The following ZNF462 variants were observed in gnomAD, a reference collection of about 807,000 sequenced individuals.
ZNF462 encodes the protein zinc finger PBX1-interacting protein.
A neutral mutation model predicts 201.9 loss-of-function variants in ZNF462; 10 were observed. The ratio of observed to expected loss-of-function variants is 0.05; its 90% confidence interval spans 0.03 to 0.08. ZNF462 has a LOEUF of 0.08. Among genes scored for constraint, ZNF462 ranks in the 10% least tolerant of loss-of-function variants. The pLI, the probability that ZNF462 is intolerant of heterozygous loss-of-function variation, is 1.00. For synonymous variants in ZNF462, 1,227 were observed against 1,193.3 expected (o/e 1.03, Z -0.58); for missense variants, 2,523 against 3,168.3 (o/e 0.80, Z 4.89).
rs1450940219 is a variant in ZNF462, at chr9:107,013,015, T to C, written c.*1985T>C. ...CAGACAAAGATTCATTTTGTGTCTATATTTGTTTTTAATTGGCCTCATTTC... is the reference window on the plus strand; with the variant it reads ...CAGACAAAGATTCATTTTGTGTCTACATTTGTTTTTAATTGGCCTCATTTC... On this transcript the variant is annotated 3_prime_UTR_variant, in exon 13 of 13. Transcript: ENST00000277225. 1 of 143,082 alleles carries C rather than the reference T, an allele frequency of 7.0e-6. No individual in the cohort carries two copies. Among genetic ancestry groups the C allele is most frequent in the African/African-American group, 3.0e-5 (1 of 32,904 alleles). 8.9% of individuals were successfully genotyped at this position (143,082 alleles called of 1,614,324 possible).
At chr9:106,991,621 A>G (rs1828275483) in intron 10 of ZNF462, among the ~76,000 whole-genome samples, 1 of 151,984 alleles carries the variant, frequency 6.6e-6, no homozygotes, top group Non-Finnish European at 1.5e-5. Flanking sequence ...GGATTCACCC[A>G]TCTTGATTTC....
At chr9:106,894,641 G>A (rs1453815449) in intron 1 of ZNF462, among the ~76,000 whole-genome samples, 1 of 152,144 alleles carries the variant, frequency 6.6e-6, no homozygotes, top group Non-Finnish European at 1.5e-5. Context: ...AATCCTTCAA[G>A]GTTTTCTAGG....
intron 1 of ZNF462, among the ~76,000 whole-genome samples, chr9:106,873,221 A>G (rs1187138846): frequency 6.6e-6 from 1 of 152,328 alleles, no homozygotes; most frequent in African/African-American, 2.4e-5. Context: ...GATATGAGAG[A>G]TATAACTTAT....
At chr9:106,874,711 C>T (rs868205341) in intron 1 of ZNF462, among the ~76,000 whole-genome samples, 1 of 152,180 alleles carries the variant, frequency 6.6e-6, no homozygotes, top group African/African-American at 2.4e-5. Context: ...TTTTGTCATT[C>T]ATTCCATCTT....
intron 1 of ZNF462, among the ~76,000 whole-genome samples, chr9:106,867,291 A>G (rs1827377482): frequency 6.6e-6 from 1 of 152,186 alleles, no homozygotes; most frequent in Non-Finnish European, 1.5e-5. Flanking sequence ...TAAATCAGAC[A>G]TTTTCATTTA....
intron 10 of ZNF462, among the ~76,000 whole-genome samples, chr9:107,001,376 A>C (rs767010957): frequency 1.3e-5 from 2 of 152,192 alleles, no homozygotes; most frequent in African/African-American, 4.8e-5. Context: ...GAAAAGGCTC[A>C]CATTCCCAGA....
At position 106,932,922 on chromosome 9, in the gene ZNF462, G is replaced by C. The variant is rs1830481961; in HGVS notation, c.6116+373G>C. 3.0e-6 allele frequency: 1 copy of C among 332,976 alleles called. No homozygotes were observed. The highest frequency in any genetic ancestry group is 5.5e-6 in the Non-Finnish European group (1 of 180,454). 20.6% of individuals were successfully genotyped at this position (332,976 alleles called of 1,614,324 possible). A position where few individuals can be genotyped will look rare whatever the true frequency, so the allele number is the denominator to read the frequency against. Reference sequence around the variant, plus strand: ...CCATTTAGAAAACTGAGTTGCTAAAGAGGTAAAATTAGGACTATTAACCCA... The same window carrying C: ...CCATTTAGAAAACTGAGTTGCTAAACAGGTAAAATTAGGACTATTAACCCA... On this transcript the variant is annotated intron_variant, in intron 5 of 12. Coordinates refer to ENST00000277225, the MANE Select transcript of ZNF462 (RefSeq NM_021224.6). The surrounding 1 kb of genome is among the most constrained non-coding windows in gnomAD (Gnocchi z 6.8).
rs1827465583 is a variant in ZNF462, at chr9:106,981,936, A to G, written c.6833-2250A>G. ...CAGGGCAAAGCCAAAGAATGAAAGT[A>G]GAAACAGTAGAGATGATAACATATA... is the stretch of plus-strand genomic sequence containing the variant. On this transcript the variant is annotated intron_variant, in intron 9 of 12. Coordinates refer to ENST00000277225, the MANE Select transcript of ZNF462 (RefSeq NM_021224.6). The surrounding 1 kb of genome is among the most constrained non-coding windows in gnomAD (Gnocchi z 4.0). Among the ~76,000 whole-genome samples, 1 of 152,238 alleles carries G rather than the reference A, an allele frequency of 6.6e-6. No individual in the cohort carries two copies. Among genetic ancestry groups the G allele is most frequent in the Non-Finnish European group, 1.5e-5 (1 of 68,040 alleles).
Position 106,926,171 on chromosome 9 carries a change from T to G in ZNF462, c.2259T>G (p.Thr753=). 6.2e-7 allele frequency: 1 copy of G among 1,614,188 alleles called. No homozygotes were observed. The highest frequency in any genetic ancestry group is 8.5e-7 in the Non-Finnish European group (1 of 1,180,038). ...EPTEPIIEVP[T]SFSAQQIWVR... is the part of the protein sequence containing the mutation. ...CAGAACCCATCATAGAGGTTCCCACTTCCTTTTCTGCCCAACAGATATGGG... is the reference window on the plus strand; with the variant it reads ...CAGAACCCATCATAGAGGTTCCCACGTCCTTTTCTGCCCAACAGATATGGG... Residue 753 remains threonine, a synonymous_variant, in exon 3 of 13, where the codon ACT becomes ACG. Transcript: ENST00000277225. The surrounding 1 kb of genome is among the most constrained non-coding windows in gnomAD (Gnocchi z 7.9).
In ZNF462 at chr9:106,880,800, C is replaced by T. The variant is rs1326841325; in HGVS notation, c.-31+17445C>T. On this transcript the variant is annotated intron_variant, in intron 1 of 12. Coordinates refer to ENST00000277225, the MANE Select transcript of ZNF462 (RefSeq NM_021224.6). The surrounding 1 kb of genome is among the most constrained non-coding windows in gnomAD (Gnocchi z 4.1). ...GAATGTCTAGTAGGCAGTGTGGGGACCTGGACTCCCAAGATGGATTGGGTC... is the reference window on the plus strand; with the variant it reads ...GAATGTCTAGTAGGCAGTGTGGGGATCTGGACTCCCAAGATGGATTGGGTC... Among the ~76,000 whole-genome samples the T allele has an allele frequency of 6.6e-6, 1 of 152,142 alleles. No homozygotes were observed. Among genetic ancestry groups the T allele is most frequent in the Non-Finnish European group, 1.5e-5 (1 of 68,032 alleles).
At chr9:107,000,751 T>C (rs1355003352) in intron 10 of ZNF462, among the ~76,000 whole-genome samples, 1 of 152,108 alleles carries the variant, frequency 6.6e-6, no homozygotes, top group Non-Finnish European at 1.5e-5. Context: ...TGTTAACAGT[T>C]TTCCAGTGAA....
upstream of ZNF462, among the ~76,000 whole-genome samples, chr9:106,861,309 G>C (rs887153788): frequency 1.3e-5 from 2 of 151,950 alleles, no homozygotes; most frequent in East Asian, 3.9e-4. Flanking sequence ...AACCAACTCC[G>C]CGCGCGTCTC....
intron 1 of ZNF462, among the ~76,000 whole-genome samples, chr9:106,912,797 A>G (rs1358006260): frequency 6.6e-6 from 1 of 152,194 alleles, no homozygotes; most frequent in African/African-American, 2.4e-5. Context: ...TTTAGAGTAG[A>G]GTCTTCTCTT....
chr9:107,009,702 A>G lies in ZNF462; in HGVS notation c.7313+34A>G. ...GGCCACTTCAAGGATGCCTTTGTCC[A>G]AAGCAAGAGGTAGGGAGGGAGGGAG... On this transcript the variant is annotated intron_variant, in intron 12 of 12. Coordinates refer to ENST00000277225, the MANE Select transcript of ZNF462 (RefSeq NM_021224.6). This position sits in a 1 kb window ranked among gnomAD's most constrained non-coding sequence, Gnocchi z 6.1. 6.2e-7 allele frequency: 1 copy of G among 1,611,838 alleles called. No homozygotes were observed. The highest frequency in any genetic ancestry group is 8.5e-7 in the Non-Finnish European group (1 of 1,179,684).
rs201662740 is a variant in ZNF462, at chr9:106,984,451, G to C, written c.7056+42G>C. On this transcript the variant is annotated intron_variant, in intron 10 of 12. Transcript: ENST00000277225. This position sits in a 1 kb window ranked among gnomAD's most constrained non-coding sequence, Gnocchi z 6.4. Reference sequence around the variant, plus strand: ...CCTGCTCCCGCCTCAGCACACTTGTGGGGAGGGGCCAAGGGGGAGACACCA... The same window carrying C: ...CCTGCTCCCGCCTCAGCACACTTGTCGGGAGGGGCCAAGGGGGAGACACCA... 1 of 1,540,406 alleles carries C rather than the reference G, an allele frequency of 6.5e-7. No individual in the cohort carries two copies. The highest frequency in any genetic ancestry group is 8.8e-7 in the Non-Finnish European group (1 of 1,130,158).
At chr9:107,002,208 G>A (rs990659164) in intron 10 of ZNF462, among the ~76,000 whole-genome samples, 2 of 152,104 alleles carry the variant, frequency 1.3e-5, no homozygotes, top group African/African-American at 4.8e-5. Context: ...CCCTACTGTG[G>A]CAGCTAGGGA....
At chr9:106,861,214 G>A (rs1403362523), upstream of ZNF462, among the ~76,000 whole-genome samples, 1 of 152,096 alleles carries the variant, frequency 6.6e-6, no homozygotes, top group Non-Finnish European at 1.5e-5. Context: ...CTCGGGGTGA[G>A]AGATTCTGCT....
Position 106,886,224 on chromosome 9 carries a change from G to A in ZNF462, c.-31+22869G>A, listed in dbSNP as rs1828310426. Reference sequence around the variant, plus strand: ...TAGGGGTGGGGTGGTTAAGAAGGTGGCTGGGATTGTTACCTCACTGGACCG... The same window carrying A: ...TAGGGGTGGGGTGGTTAAGAAGGTGACTGGGATTGTTACCTCACTGGACCG... On this transcript the variant is annotated intron_variant, in intron 1 of 12. Coordinates refer to ENST00000277225, the MANE Select transcript of ZNF462 (RefSeq NM_021224.6). This position sits in a 1 kb window ranked among gnomAD's most constrained non-coding sequence, Gnocchi z 4.6. Among the ~76,000 whole-genome samples the A allele has an allele frequency of 6.6e-6, 1 of 152,174 alleles. No individual in the cohort carries two copies. The highest frequency in any genetic ancestry group is 2.1e-4 in the South Asian group (1 of 4,828).
Position 107,005,403 on chromosome 9 carries a change from CG to C in ZNF462, c.7189+1978del, listed in dbSNP as rs1287403633. ...TCTTCACTCTTTTTGATAATAGCCT[CG>C]TAACAGGTGTGAAGTGATAGCTCAT... is the stretch of plus-strand genomic sequence containing the variant. On this transcript the variant is annotated intron_variant, in intron 11 of 12. Coordinates refer to ENST00000277225, the MANE Select transcript of ZNF462 (RefSeq NM_021224.6). The surrounding 1 kb of genome is among the most constrained non-coding windows in gnomAD (Gnocchi z 4.4). Among the ~76,000 whole-genome samples, 2 of 152,132 alleles carry C rather than the reference CG, an allele frequency of 1.3e-5. No individual in the cohort carries two copies. Among genetic ancestry groups the C allele is most frequent in the East Asian group, 3.9e-4 (2 of 5,186 alleles).
Sources: allele counts gnomAD v4.1 joint callset (sites outside exome capture counted in the v4.1 genomes callset), GRCh38; gene constraint gnomAD v4.1.1; non-coding constraint Gnocchi (gnomAD v3.1); transcripts MANE v1.5; gene names NCBI Gene and HGNC (gene_info 2026-07-23, HGNC 2026-07-21).